The following LMNB1 variants were observed in gnomAD, a reference collection of about 807,000 sequenced individuals.
LMNB1 encodes the protein lamin-B1.
Under a neutral mutation model 67.1 loss-of-function variants are expected in LMNB1, and 23 were observed. That is an observed-to-expected ratio of 0.34 (90% CI 0.25 to 0.49). The LOEUF is 0.49. LMNB1 is among the 20% of genes least tolerant of loss of function. The pLI is 0.99. For synonymous variants in LMNB1, 281 were observed against 282.9 expected (o/e 0.99, Z 0.07); for missense variants, 634 against 746.5 (o/e 0.85, Z 1.76).
At chr5:126,834,941 A>G (rs1752217710) in intron 10 of LMNB1, among the ~76,000 whole-genome samples, 1 of 152,192 alleles carries the variant, frequency 6.6e-6, no homozygotes, top group Non-Finnish European at 1.5e-5. Context: ...TTCATGTGAG[A>G]GTTAAATGAA....
chr5:126,796,130 CTG>C (rs1751086019), intron 1 of LMNB1, among the ~76,000 whole-genome samples: 1 of 151,700 alleles, frequency 6.6e-6, no homozygotes, highest in African/African-American at 2.4e-5. Context: ...CAGGGTTTCT[CTG>C]TGTTGAGGCT....
At chr5:126,829,255 C>A (rs1392166796) in intron 9 of LMNB1, among the ~76,000 whole-genome samples, 1 of 151,754 alleles carries the variant, frequency 6.6e-6, no homozygotes, top group East Asian at 1.9e-4. Flanking sequence ...TGGACCTAAT[C>A]CAGTGGCTCA....
At chr5:126,834,282 C>T (rs1255217799) in intron 10 of LMNB1, among the ~76,000 whole-genome samples, 1 of 151,918 alleles carries the variant, frequency 6.6e-6, no homozygotes, top group Non-Finnish European at 1.5e-5. Context: ...CTCAGCTCAC[C>T]GCAACCTCCA....
intron 1 of LMNB1, among the ~76,000 whole-genome samples, chr5:126,787,548 T>A (rs13188247): frequency 0.017 from 1,047 of 63,250 alleles, 16 homozygotes; most frequent in East Asian, 0.045. Context: ...ATATATATAT[T>A]TTTTTTTTTT....
At chr5:126,778,408 G>A (rs1750535530) in intron 1 of LMNB1, among the ~76,000 whole-genome samples, 1 of 152,224 alleles carries the variant, frequency 6.6e-6, no homozygotes, top group East Asian at 1.9e-4. Context: ...CGCAGCATCC[G>A]CGTCTCCTGG....
At chr5:126,818,763 A>T (rs538775116) in intron 5 of LMNB1, among the ~76,000 whole-genome samples, 159 bp from the exon 6 acceptor site, 3 of 152,048 alleles carry the variant, frequency 2.0e-5, no homozygotes, top group Non-Finnish European at 4.4e-5. Flanking sequence ...GTATTTGAGG[A>T]ATTTTGGGTT....
chr5:126,803,752 T>C (rs113001492), intron 1 of LMNB1, among the ~76,000 whole-genome samples: 69 of 152,124 alleles, frequency 4.5e-4, no homozygotes, highest in African/African-American at 1.6e-3. Context: ...GGTTTTACCA[T>C]GTTGGCAAGG....
In LMNB1 at chr5:126,836,341, C is replaced by T. The variant is rs1752247451; in HGVS notation, c.*77C>T. 2.7e-5 allele frequency: 24 copies of T among 904,150 alleles called. No individual in the cohort carries two copies. In the East Asian group the frequency reaches 6.0e-4, roughly 23 times the overall value. 56.0% of individuals were successfully genotyped at this position (904,150 alleles called of 1,614,324 possible). ...ATACAGTGCAGAGCCTTCTCAGAAG[C>T]ACAGAATATTTTTATATTTCCTTTA... On this transcript the variant is annotated 3_prime_UTR_variant, in exon 11 of 11. Transcript: ENST00000261366.
intron 1 of LMNB1, among the ~76,000 whole-genome samples, chr5:126,780,758 C>T (rs1750614829): frequency 6.6e-6 from 1 of 152,130 alleles, no homozygotes; most frequent in African/African-American, 2.4e-5. Context: ...CCCCAACATA[C>T]CATCATTTGC....
chr5:126,793,141 A>C (rs549142403), intron 1 of LMNB1, among the ~76,000 whole-genome samples: 3 of 152,294 alleles, frequency 2.0e-5, no homozygotes, highest in Admixed American at 2.0e-4. Flanking sequence ...TGGAGAATGG[A>C]CATTGGAACA....
At chr5:126,786,288 A>G (rs1660323061) in intron 1 of LMNB1, among the ~76,000 whole-genome samples, 1 of 151,426 alleles carries the variant, frequency 6.6e-6, no homozygotes, top group Admixed American at 6.6e-5. Context: ...ACGCCCGGCT[A>G]ATTTTTTGTA....
intron 9 of LMNB1, among the ~76,000 whole-genome samples, chr5:126,830,313 G>C (rs2126738869): frequency 6.6e-6 from 1 of 152,344 alleles, no homozygotes; most frequent in African/African-American, 2.4e-5. Context: ...GCATTTTATA[G>C]ACAGAGTAAA....
chr5:126,812,015 T>G, intron 5 of LMNB1, 117 bp downstream of exon 5: 1 of 990,580 alleles, frequency 1.0e-6, no homozygotes, highest in Non-Finnish European at 1.5e-6. Context: ...GAGGATGGTG[T>G]CATCCTGTGC....
intron 7 of LMNB1, among the ~76,000 whole-genome samples, chr5:126,822,410 A>G (rs1248809853): frequency 6.6e-6 from 1 of 152,216 alleles, no homozygotes; most frequent in East Asian, 1.9e-4. Flanking sequence ...TTATGTGTCT[A>G]TTTTAAAAGC....
At chr5:126,812,832 G>A (rs1478166075) in intron 5 of LMNB1, among the ~76,000 whole-genome samples, 1 of 147,288 alleles carries the variant, frequency 6.8e-6, no homozygotes, top group Non-Finnish European at 1.5e-5. Flanking sequence ...CCGGGTTCAC[G>A]CCATTCTCCT....
At chr5:126,826,223 C>A (rs1325202593) in intron 9 of LMNB1, 116 bp downstream of exon 9, 5 of 1,201,166 alleles carry the variant, frequency 4.2e-6, no homozygotes, top group Non-Finnish European at 5.9e-6. Flanking sequence ...CAGACCAAAG[C>A]TGCTAAGTTA....
Position 126,810,169 on chromosome 5 carries a change from T to G in LMNB1, c.643-11T>G. On this transcript the variant is annotated splice_polypyrimidine_tract_variant and intron_variant, in intron 3 of 10. Transcript: ENST00000261366. ...AGTAGCTTGGCTTTATGCTTTTTGT[T>G]TTTTCCCCAGGAGATTAACGAGACC... 1 of 1,602,552 alleles carries G rather than the reference T, an allele frequency of 6.2e-7. No individual in the cohort carries two copies. Among genetic ancestry groups the G allele is most frequent in the Non-Finnish European group, 8.5e-7 (1 of 1,170,774 alleles).
intron 1 of LMNB1, among the ~76,000 whole-genome samples, chr5:126,784,234 G>C (rs1466169317): frequency 6.6e-6 from 1 of 151,626 alleles, no homozygotes; most frequent in Non-Finnish European, 1.5e-5. Flanking sequence ...TTTCCATGTT[G>C]GTCAGGCTGG....
At chr5:126,830,269 T>G (rs1236310076) in intron 9 of LMNB1, among the ~76,000 whole-genome samples, 1 of 152,232 alleles carries the variant, frequency 6.6e-6, no homozygotes, top group African/African-American at 2.4e-5. Flanking sequence ...CACCTTCATA[T>G]GCCCAAGGCT....
Sources: gnomAD v4.1 joint callset for allele counts (sites outside exome capture counted in the v4.1 genomes callset) on GRCh38, gnomAD v4.1.1 for gene constraint, MANE v1.5 for transcripts, NCBI Gene and HGNC (gene_info 2026-07-23, HGNC 2026-07-21) for gene names.